RRP1B: variants seen among roughly 807,000 people sequenced by gnomAD.
RRP1B encodes the protein ribosomal RNA processing protein 1 homolog B.
RRP1B carries 56 observed loss-of-function variants against 80.2 expected under a neutral mutation model. The observed-to-expected ratio is 0.70, with a 90% CI of 0.56 to 0.87. The LOEUF (loss-of-function observed/expected upper bound fraction) is 0.87, where lower values mean the gene tolerates loss of function less well. RRP1B is among the 40% of genes least tolerant of loss of function. The pLI, the probability that RRP1B is intolerant of heterozygous loss-of-function variation, is 0.00. For missense variants in RRP1B, 807 were observed against 939.8 expected, an observed-to-expected ratio of 0.86 and a Z score of 1.85; for synonymous variants, 351 against 357.6, an observed-to-expected ratio of 0.98 and a Z score of 0.21.
At chr21:43,671,275 C>T (rs956159064) in intron 2 of RRP1B, among the ~76,000 whole-genome samples, 2 of 152,030 alleles carry the variant, frequency 1.3e-5, no homozygotes, top group Non-Finnish European at 2.9e-5. Flanking sequence ...TTTCCCATGG[C>T]GTGCAGTGAG....
In RRP1B at chr21:43,687,731, A is replaced by G. The variant is rs766605857; in HGVS notation, c.1357A>G (p.Ser453Gly). 18 of 1,613,076 alleles carry G rather than the reference A, an allele frequency of 1.1e-5. No individual in the cohort carries two copies. Among genetic ancestry groups the G allele is most frequent in the Admixed American group, 1.7e-5 (1 of 60,012 alleles). ...VAEPGAEATS[S>G]TGEESGSEHP... ...CGAGCCAGGTGCAGAGGCCACGTCC[A>G]GCACTGGGGAGGAGAGTGGCTCCGA... Residue 453 changes from serine to glycine, a missense_variant, in exon 13 of 16, where the codon AGC (serine) becomes GGC (glycine). Coordinates refer to ENST00000340648, the MANE Select transcript of RRP1B (RefSeq NM_015056.3).
chr21:43,676,348 C>G lies in RRP1B; in HGVS notation c.614+12C>G. ...GCGAAGACGAAGGAGTAAGTGATTC[C>G]CCTGTTCGTTCCTCCTGCTCCGTGG... On this transcript the variant is annotated intron_variant, in intron 7 of 15. Coordinates refer to ENST00000340648, the MANE Select transcript of RRP1B (RefSeq NM_015056.3). 6.3e-7 allele frequency: 1 copy of G among 1,599,716 alleles called. No homozygotes were observed. Among genetic ancestry groups the G allele is most frequent in the Non-Finnish European group, 8.6e-7 (1 of 1,168,152 alleles).
intron 1 of RRP1B, among the ~76,000 whole-genome samples, chr21:43,664,574 G>C (rs1054141350): frequency 1.1e-4 from 17 of 152,276 alleles, no homozygotes; most frequent in African/African-American, 3.8e-4. Context: ...AGGAAGCTGG[G>C]GCCTGAGCCA....
intron 1 of RRP1B, among the ~76,000 whole-genome samples, chr21:43,661,275 C>T (rs2082955571): frequency 6.6e-6 from 1 of 152,188 alleles, no homozygotes; most frequent in Non-Finnish European, 1.5e-5. Flanking sequence ...ACTTGCAGCT[C>T]GGATGTGCCT....
intron 8 of RRP1B, among the ~76,000 whole-genome samples, chr21:43,682,690 C>T (rs1442033217): frequency 6.6e-6 from 1 of 152,232 alleles, no homozygotes; most frequent in Non-Finnish European, 1.5e-5. Flanking sequence ...AGCCTTCGTC[C>T]TAACGGGACC....
intron 8 of RRP1B, among the ~76,000 whole-genome samples, chr21:43,678,724 T>C (rs1202989376): frequency 1.3e-5 from 2 of 152,228 alleles, no homozygotes; most frequent in African/African-American, 2.4e-5. Context: ...ATTTTGTTTG[T>C]TTATTCTGCT....
intron 2 of RRP1B, among the ~76,000 whole-genome samples, chr21:43,671,429 C>T (rs2082998993): frequency 6.6e-6 from 1 of 150,422 alleles, no homozygotes; most frequent in South Asian, 2.1e-4. Flanking sequence ...GCAGGGGTGC[C>T]ATCATGGCTC....
intron 6 of RRP1B, 103 bp downstream of exon 6, chr21:43,675,266 C>A: frequency 9.1e-7 from 1 of 1,099,968 alleles, no homozygotes; most frequent in Non-Finnish European, 1.3e-6. Context: ...TGACCAGCGA[C>A]TGTAGCAGCG....
At chr21:43,660,930 T>G (rs1413232322) in intron 1 of RRP1B, among the ~76,000 whole-genome samples, 1 of 152,202 alleles carries the variant, frequency 6.6e-6, no homozygotes, top group African/African-American at 2.4e-5. Context: ...GCCCATACAA[T>G]ATGAACTACA....
chr21:43,695,522 C>T lies in RRP1B; in HGVS notation c.*2139C>T, dbSNP rs1435863553. 3 of 152,300 alleles carry T rather than the reference C, an allele frequency of 2.0e-5. No individual in the cohort carries two copies. The highest frequency in any genetic ancestry group is 7.2e-5 in the African/African-American group (3 of 41,570). The allele number at this position is 152,300 out of a possible 1,614,324, so 9.4% of individuals were successfully genotyped here. A position where few individuals can be genotyped will look rare whatever the true frequency, so the allele number is the denominator to read the frequency against. On this transcript the variant is annotated 3_prime_UTR_variant, in exon 16 of 16. Coordinates refer to ENST00000340648, the MANE Select transcript of RRP1B (RefSeq NM_015056.3). ...AACTTACTCCTTTTTATGGGTAAGT[C>T]AACTAGGTTTACAGTCCCTTATTTT...
At position 43,687,508 on chromosome 21, in the gene RRP1B, C is replaced by A; in HGVS notation, c.1142-8C>A. 1 of 1,478,206 alleles carries A rather than the reference C, an allele frequency of 6.8e-7. No individual in the cohort carries two copies. The highest frequency in any genetic ancestry group is 1.5e-5 in the South Asian group (1 of 68,734). 91.6% of individuals were successfully genotyped at this position (1,478,206 alleles called of 1,614,324 possible). ...TGGGTGCTTGTTGATGGGTTTCTGT[C>A]TTTTTAGGAAGCAGAGTCTTTTGTG... On this transcript the variant is annotated splice_region_variant and splice_polypyrimidine_tract_variant and intron_variant, in intron 12 of 15. Transcript: ENST00000340648.
intron 8 of RRP1B, among the ~76,000 whole-genome samples, chr21:43,682,295 G>A (rs988287190): frequency 1.2e-4 from 18 of 152,238 alleles, no homozygotes; most frequent in Admixed American, 1.0e-3. Flanking sequence ...TCCCAGTTGC[G>A]TTCATGAAAC....
intron 13 of RRP1B, 32 bp from the exon 14 acceptor site, chr21:43,690,256 C>T: frequency 6.2e-7 from 1 of 1,611,070 alleles, no homozygotes; most frequent in Non-Finnish European, 8.5e-7. Flanking sequence ...TCGTCTGACC[C>T]CTCCTCCGCT....
Position 43,673,853 on chromosome 21 carries a change from C to G in RRP1B, c.272-17C>G, listed in dbSNP as rs764235781. On this transcript the variant is annotated splice_polypyrimidine_tract_variant and intron_variant, in intron 3 of 15. Transcript: ENST00000340648. ...TGATGTGGAAGCCAAGTATTTAGAG[C>G]CTTTTGTTCACTGCAGAACACCTGT... 3.0e-5 allele frequency: 47 copies of G among 1,588,132 alleles called. No homozygotes were observed. The highest frequency in any genetic ancestry group is 4.0e-5 in the Non-Finnish European group (46 of 1,159,260).
chr21:43,686,607 G>C (rs1330139171), intron 11 of RRP1B, 197 bp from the exon 12 acceptor site: 4 of 573,926 alleles, frequency 7.0e-6, no homozygotes, highest in Admixed American at 3.2e-5. Context: ...GTGATCCCTT[G>C]CCTTGCCTTG....
chr21:43,689,859 GCA>G (rs1437426140), intron 13 of RRP1B, among the ~76,000 whole-genome samples: 1 of 152,266 alleles, frequency 6.6e-6, no homozygotes, highest in Non-Finnish European at 1.5e-5. Flanking sequence ...GTCAGTTGCT[GCA>G]CACGCAATGA....
chr21:43,686,744 C>A, intron 11 of RRP1B, 60 bp from the exon 12 acceptor site: 1 of 1,599,550 alleles, frequency 6.3e-7, no homozygotes. Flanking sequence ...TGCTCTTAGG[C>A]CCCTGGGGCA....
intron 9 of RRP1B, 130 bp from the exon 10 acceptor site, chr21:43,684,423 G>A: frequency 1.3e-6 from 1 of 773,262 alleles, no homozygotes; most frequent in South Asian, 1.6e-5. Context: ...CCAAGTCCCA[G>A]CACAAGCTTG....
chr21:43,664,339 A>G (rs562758629), intron 1 of RRP1B, among the ~76,000 whole-genome samples: 10 of 152,184 alleles, frequency 6.6e-5, no homozygotes, highest in South Asian at 4.1e-4. Flanking sequence ...AAAAAAAAAA[A>G]AAAAAGAAAA....
Sources: gnomAD v4.1 joint callset for allele counts (sites outside exome capture counted in the v4.1 genomes callset) on GRCh38, gnomAD v4.1.1 for gene constraint, MANE v1.5 for transcripts, NCBI Gene and HGNC (gene_info 2026-07-23, HGNC 2026-07-21) for gene names.